Variants in BROX observed in about 807,000 individuals in gnomAD.
The protein encoded by BROX is BRO1 domain-containing protein BROX.
A neutral mutation model predicts 61.0 loss-of-function variants in BROX; 53 were observed. The observed-to-expected ratio is 0.87, with a 90% CI of 0.70 to 1.09. The LOEUF (loss-of-function observed/expected upper bound fraction) is 1.09, where lower values mean the gene tolerates loss of function less well. Ranked by LOEUF, BROX falls within the 50% of genes least tolerant of loss-of-function variation. The pLI is 0.00. For synonymous variants in BROX, 152 were observed against 160.2 expected, an observed-to-expected ratio of 0.95 and a Z score of 0.38; for missense variants, 489 against 472.0, an observed-to-expected ratio of 1.04 and a Z score of -0.33.
intron 1 of BROX, among the ~76,000 whole-genome samples, chr1:222,714,701 C>T (rs1455030171): frequency 3.9e-5 from 6 of 152,040 alleles, no homozygotes; most frequent in Non-Finnish European, 8.8e-5. Flanking sequence ...GGGATCCTCC[C>T]TCCTCAGTCT....
intron 2 of BROX, 78 bp downstream of exon 2, chr1:222,715,878 ACTGTTT>A: frequency 1.4e-6 from 1 of 719,806 alleles, no homozygotes; most frequent in Non-Finnish European, 2.3e-6. Context: ...TATGTAACAC[ACTGTTT>A]CTAAGTTTGT....
At chr1:222,729,783 T>C in intron 10 of BROX, 82 bp downstream of exon 10, 3 of 1,382,078 alleles carry the variant, frequency 2.2e-6, no homozygotes, top group Non-Finnish European at 3.0e-6. Context: ...CTTAAAGAGA[T>C]TTTGGCTGAG....
chr1:222,713,176 T>C (rs986421360), intron 1 of BROX: 61 of 968,928 alleles, frequency 6.3e-5, no homozygotes, highest in East Asian at 3.4e-4. Flanking sequence ...CGCATCTCCA[T>C]TGGTCATTGG....
intron 4 of BROX, among the ~76,000 whole-genome samples, chr1:222,720,564 C>A (rs973266854): frequency 2.6e-5 from 4 of 152,134 alleles, no homozygotes; most frequent in African/African-American, 7.2e-5. Context: ...GTAATCCCAA[C>A]ACTTTGGGAG....
intron 8 of BROX, among the ~76,000 whole-genome samples, chr1:222,727,701 G>T (rs1254546146): frequency 2.6e-5 from 4 of 152,142 alleles, no homozygotes; most frequent in Non-Finnish European, 5.9e-5. Flanking sequence ...TACTGTTTTT[G>T]TTGCTAAGGA....
chr1:222,728,670 A>G, intron 8 of BROX, 73 bp from the exon 9 acceptor site: 4 of 922,610 alleles, frequency 4.3e-6, no homozygotes, highest in Non-Finnish European at 6.6e-6. Context: ...TTTTATCATC[A>G]GAACACATGA....
At chr1:222,727,359 T>C in intron 8 of BROX, 102 bp downstream of exon 8, 4 of 834,622 alleles carry the variant, frequency 4.8e-6, no homozygotes, top group Non-Finnish European at 7.8e-6. Flanking sequence ...ATTCTGTCAT[T>C]ATTTGCAAAA....
intron 11 of BROX, 138 bp from the exon 12 acceptor site, chr1:222,731,219 T>C: frequency 2.9e-6 from 2 of 699,078 alleles, no homozygotes; most frequent in Middle Eastern, 3.6e-4. Context: ...GTTTCTTGAC[T>C]TTTTCACTTT....
rs747410594 is a variant in BROX, at chr1:222,731,435, C to T, written c.1068C>T (p.Phe356=). ...ANYGLVEPIP[F]EFPPTSVQWT... ...ATGGTCTCGTAGAGCCTATACCTTT[C>T]GAATTTCCTCCTACAAGTGTTCAGT... is the stretch of plus-strand genomic sequence containing the variant. The change falls in exon 12 of 13, where the codon TTC becomes TTT. Residue 356 remains phenylalanine, a synonymous_variant. Transcript: ENST00000340934. 2 of 1,603,392 alleles carry T rather than the reference C, an allele frequency of 1.2e-6. No individual in the cohort carries two copies. Among genetic ancestry groups the T allele is most frequent in the East Asian group, 2.2e-5 (1 of 44,506 alleles).
At chr1:222,716,279 A>G (rs1049301004) in intron 2 of BROX, among the ~76,000 whole-genome samples, 1 of 152,012 alleles carries the variant, frequency 6.6e-6, no homozygotes, top group Non-Finnish European at 1.5e-5. Context: ...TTGTATTTTT[A>G]GTAGAGACGG....
intron 2 of BROX, among the ~76,000 whole-genome samples, chr1:222,716,017 G>A (rs1393598850): frequency 1.3e-5 from 2 of 152,200 alleles, no homozygotes; most frequent in African/African-American, 4.8e-5. Flanking sequence ...AGCAATCACA[G>A]TAAAACAGTT....
chr1:222,717,464 G>A (rs1390530540), intron 2 of BROX, among the ~76,000 whole-genome samples: 1 of 152,170 alleles, frequency 6.6e-6, no homozygotes, highest in Non-Finnish European at 1.5e-5. Context: ...TACAAGTTGA[G>A]CTGTAGGTGA....
chr1:222,722,089 G>A (rs1232837107), intron 4 of BROX, among the ~76,000 whole-genome samples: 1 of 152,102 alleles, frequency 6.6e-6, no homozygotes, highest in Non-Finnish European at 1.5e-5. Context: ...TTAAAAATAC[G>A]ATTCTAAGCC....
At position 222,724,194 on chromosome 1, in the gene BROX, G is replaced by C. The variant is rs759800214; in HGVS notation, c.474+30G>C. The C allele has an allele frequency of 1.2e-5, 18 of 1,528,602 alleles. No individual in the cohort carries two copies. In the South Asian group the frequency reaches 2.1e-4, roughly 18 times the overall value. 94.7% of individuals were successfully genotyped at this position (1,528,602 alleles called of 1,614,324 possible). A position where few individuals can be genotyped will look rare whatever the true frequency, so the allele number is the denominator to read the frequency against. On this transcript the variant is annotated intron_variant, in intron 6 of 12. Transcript: ENST00000340934. ...AACAAACAAACAAAAACCATTATTT[G>C]TTCTTAATGCTTTAATTCTTGAATA...
Position 222,726,685 on chromosome 1 carries a change from C to G in BROX, c.581-483C>G, listed in dbSNP as rs552285126. Among the ~76,000 whole-genome samples the G allele has an allele frequency of 4.6e-5, 7 of 150,540 alleles. No homozygotes were observed. The South Asian group carries it at 1.5e-3, about 32-fold the overall frequency. The stretch of plus-strand genomic sequence containing the variant: ...TGAGCCGAGATCGTGCCATTGCACT[C>G]TAGCGTGGTCAACAAGAGTAAAACT... On this transcript the variant is annotated intron_variant, in intron 7 of 12. Coordinates refer to ENST00000340934, the MANE Select transcript of BROX (RefSeq NM_144695.4).
rs1658062468 is a variant in BROX at position 222,733,063 on chromosome 1, CTTTTTTTTTTTTCTTTTTTT to C, written c.*362_*381del. The C allele has an allele frequency of 3.8e-5, 4 of 104,896 alleles. No individual in the cohort carries two copies. Among genetic ancestry groups the C allele is most frequent in the South Asian group, 3.2e-4 (1 of 3,128 alleles). The allele number at this position is 104,896 out of a possible 1,614,324, so 6.5% of individuals were successfully genotyped here. ...AGGTATGTTTTTCTTTTTTCTTTTT[CTTTTTTTTTTTTCTTTTTTT>C]TTTTTTTTTTTTTTGAGGTGGAGTC... On this transcript the variant is annotated 3_prime_UTR_variant, in exon 13 of 13. Transcript: ENST00000340934.
intron 2 of BROX, among the ~76,000 whole-genome samples, chr1:222,716,406 G>A (rs1052556154): frequency 4.6e-5 from 7 of 152,284 alleles, no homozygotes; most frequent in Non-Finnish European, 1.0e-4. Context: ...GCTCTATAGG[G>A]ACATTTTAAA....
intron 7 of BROX, among the ~76,000 whole-genome samples, chr1:222,726,877 T>A (rs935156188): frequency 5.3e-5 from 8 of 152,148 alleles, no homozygotes; most frequent in African/African-American, 1.9e-4. Context: ...AGCAAGACCC[T>A]GTCTCAGAAA....
intron 2 of BROX, 130 bp from the exon 3 acceptor site, chr1:222,718,795 T>C (rs1381755500): frequency 5.7e-6 from 4 of 705,830 alleles, no homozygotes; most frequent in African/African-American, 1.8e-5. Flanking sequence ...TTAAAGCTTT[T>C]ACATTGAAAC....
Sources: gnomAD v4.1 joint callset for allele counts (sites outside exome capture counted in the v4.1 genomes callset) on GRCh38, gnomAD v4.1.1 for gene constraint, MANE v1.5 for transcripts, NCBI Gene and HGNC (gene_info 2026-07-23, HGNC 2026-07-21) for gene names.